Variants in CNTNAP2 observed in about 807,000 individuals in gnomAD.
The protein encoded by CNTNAP2 is contactin-associated protein-like 2.
A neutral mutation model predicts 155.2 loss-of-function variants in CNTNAP2; 98 were observed. That is an observed-to-expected ratio of 0.63 (90% CI 0.54 to 0.75). The LOEUF (loss-of-function observed/expected upper bound fraction) is 0.75, where lower values mean the gene tolerates loss of function less well. Ranked by LOEUF, CNTNAP2 falls within the 30% of genes least tolerant of loss-of-function variation. The pLI is 0.00. For missense variants in CNTNAP2, 1,727 were observed against 1,688.1 expected, an observed-to-expected ratio of 1.02 and a Z score of -0.40; for synonymous variants, 651 against 631.2, an observed-to-expected ratio of 1.03 and a Z score of -0.47.
At position 146,348,233 on chromosome 7, in the gene CNTNAP2, A is replaced by G. The variant is rs1794846639; in HGVS notation, c.97+231260A>G. Among the ~76,000 whole-genome samples, 3 of 152,136 alleles carry G rather than the reference A, an allele frequency of 2.0e-5. No individual in the cohort carries two copies. The South Asian group carries it at 6.2e-4, about 32-fold the overall frequency. On this transcript the variant is annotated intron_variant, in intron 1 of 23. Coordinates refer to ENST00000361727, the MANE Select transcript of CNTNAP2 (RefSeq NM_014141.6). ...CAGGAGTTCAAGATCAGCCTGGCCA[A>G]TATAGCAAAACCCTGTCTCTACTAA...
At chr7:146,223,625 C>T (rs1799244347) in intron 1 of CNTNAP2, among the ~76,000 whole-genome samples, 1 of 152,164 alleles carries the variant, frequency 6.6e-6, no homozygotes, top group Non-Finnish European at 1.5e-5. Flanking sequence ...TGACTCTAGA[C>T]AAACATGGAG....
At chr7:147,784,528 TA>T (rs1277593613) in intron 13 of CNTNAP2, among the ~76,000 whole-genome samples, 1 of 73,176 alleles carries the variant, frequency 1.4e-5, no homozygotes, top group Non-Finnish European at 2.5e-5. Flanking sequence ...TATATATATA[TA>T]TATATATATA....
chr7:147,063,505 G>GT (rs1290081542), intron 4 of CNTNAP2, among the ~76,000 whole-genome samples: 1 of 152,056 alleles, frequency 6.6e-6, no homozygotes. Context: ...AGCAATCTCA[G>GT]TTTTTTTCTG....
chr7:146,123,681 T>C (rs1308697382), intron 1 of CNTNAP2, among the ~76,000 whole-genome samples: 1 of 134,870 alleles, frequency 7.4e-6, no homozygotes, highest in Non-Finnish European at 1.7e-5. Flanking sequence ...TATAGTATTA[T>C]TTGAAAGGAA....
At chr7:147,366,660 C>A (rs768517757) in intron 9 of CNTNAP2, among the ~76,000 whole-genome samples, 1 of 152,010 alleles carries the variant, frequency 6.6e-6, no homozygotes, top group Non-Finnish European at 1.5e-5. Context: ...TTGCATCTCA[C>A]AAGTTTTGTT....
chr7:148,305,053 CAA>C (rs71188964), intron 21 of CNTNAP2, among the ~76,000 whole-genome samples: 7 of 109,770 alleles, frequency 6.4e-5, no homozygotes, highest in Admixed American at 2.9e-4. Flanking sequence ...CCTGTCTCTA[CAA>C]AAAAAAAAAA....
At chr7:148,188,563 G>A (rs1795157619) in intron 18 of CNTNAP2, among the ~76,000 whole-genome samples, 1 of 152,206 alleles carries the variant, frequency 6.6e-6, no homozygotes, top group Non-Finnish European at 1.5e-5. Context: ...GGCAAAAAGA[G>A]AGGAAACTGT....
Position 148,415,970 on chromosome 7 carries a change from A to G in CNTNAP2, c.*354A>G. The stretch of plus-strand genomic sequence containing the variant: ...AACAGGGCAAGTTTTCTACGTTTTT[A>G]AGAGCCCTTAGAACGTGGGTATTTT... On this transcript the variant is annotated 3_prime_UTR_variant, in exon 24 of 24. Transcript: ENST00000361727. 3.3e-6 allele frequency: 1 copy of G among 298,524 alleles called. No individual in the cohort carries two copies. Among genetic ancestry groups the G allele is most frequent in the South Asian group, 6.2e-5 (1 of 16,208 alleles). The allele number at this position is 298,524 out of a possible 1,614,324, so 18.5% of individuals were successfully genotyped here.
intron 1 of CNTNAP2, among the ~76,000 whole-genome samples, chr7:146,519,960 A>G (rs1797594165): frequency 1.3e-5 from 2 of 151,854 alleles, no homozygotes; most frequent in Non-Finnish European, 2.9e-5. Flanking sequence ...AACTTGAAGC[A>G]ACTAAAATTT....
At position 147,935,286 on chromosome 7, in the gene CNTNAP2, C is replaced by T. The variant is rs1800584764; in HGVS notation, c.2255+31565C>T. 1.3e-5 allele frequency among the ~76,000 whole-genome samples: 2 copies of T among 152,202 alleles called. 1 individual carries two copies. Among genetic ancestry groups the T allele is most frequent in the South Asian group, 4.1e-4 (2 of 4,826 alleles). ...GGATTACAGGCACACGTCACCACAC[C>T]TGGCTAATTTTTGCATTTTTAGTAG... On this transcript the variant is annotated intron_variant, in intron 14 of 23. Coordinates refer to ENST00000361727, the MANE Select transcript of CNTNAP2 (RefSeq NM_014141.6).
intron 8 of CNTNAP2, among the ~76,000 whole-genome samples, chr7:147,276,900 G>A (rs754350984): frequency 2.6e-5 from 4 of 151,912 alleles, no homozygotes; most frequent in Non-Finnish European, 5.9e-5. Context: ...ATTTAGCCCT[G>A]TAGGCTTTCT....
At chr7:146,253,864 C>G (rs1584829486) in intron 1 of CNTNAP2, among the ~76,000 whole-genome samples, 1 of 150,802 alleles carries the variant, frequency 6.6e-6, no homozygotes, top group African/African-American at 2.5e-5. Flanking sequence ...TGAGATGAGC[C>G]TGAGAAACAT....
chr7:146,496,913 A>G (rs1473972470), intron 1 of CNTNAP2, among the ~76,000 whole-genome samples: 1 of 152,234 alleles, frequency 6.6e-6, no homozygotes, highest in Non-Finnish European at 1.5e-5. Flanking sequence ...TTCTTGAGTT[A>G]TAGTTAACCT....
intron 17 of CNTNAP2, among the ~76,000 whole-genome samples, chr7:148,158,749 T>C (rs371193893): frequency 6.6e-6 from 1 of 152,182 alleles, no homozygotes; most frequent in East Asian, 1.9e-4. Flanking sequence ...CTCATGGCAA[T>C]TGGAATGGTC....
At chr7:147,856,486 T>C (rs1799041963) in intron 13 of CNTNAP2, among the ~76,000 whole-genome samples, 1 of 152,166 alleles carries the variant, frequency 6.6e-6, no homozygotes, top group Non-Finnish European at 1.5e-5. Context: ...AATCCTCCTC[T>C]ATGTTCGAAG....
intron 1 of CNTNAP2, among the ~76,000 whole-genome samples, chr7:146,603,428 C>G (rs1371296766): frequency 6.7e-6 from 1 of 149,932 alleles, no homozygotes; most frequent in Non-Finnish European, 1.5e-5. Context: ...AAAAAAGATA[C>G]AAACAAATGG....
intron 2 of CNTNAP2, among the ~76,000 whole-genome samples, chr7:146,797,536 A>T (rs892654098): frequency 6.6e-6 from 1 of 152,344 alleles, no homozygotes; most frequent in South Asian, 2.1e-4. Flanking sequence ...AGTTGTTAGC[A>T]AAAGACCACT....
intron 1 of CNTNAP2, among the ~76,000 whole-genome samples, chr7:146,767,992 A>T (rs1012779225): frequency 1.3e-5 from 2 of 152,170 alleles, no homozygotes; most frequent in Non-Finnish European, 2.9e-5. Context: ...GTTAAGTTAA[A>T]CTTGACCCTC....
In CNTNAP2 at chr7:148,215,810, A is replaced by G. The variant is rs1476016637; in HGVS notation, c.3011-1478A>G. On this transcript the variant is annotated intron_variant, in intron 18 of 23. Coordinates refer to ENST00000361727, the MANE Select transcript of CNTNAP2 (RefSeq NM_014141.6). ...ACCCAAGTTAACACGGCTGCTACAG[A>G]CAAGGGCAAGATACACCCCCAGGCG... Among the ~76,000 whole-genome samples the G allele has an allele frequency of 3.3e-5, 5 of 152,196 alleles. No homozygotes were observed. The East Asian group carries it at 9.6e-4, about 29-fold the overall frequency.
Sources: allele counts gnomAD v4.1 joint callset (sites outside exome capture counted in the v4.1 genomes callset), GRCh38; gene constraint gnomAD v4.1.1; transcripts MANE v1.5; gene names NCBI Gene and HGNC (gene_info 2026-07-23, HGNC 2026-07-21).